The following USP7 variants were observed in gnomAD, a reference collection of about 807,000 sequenced individuals.
USP7 encodes ubiquitin specific peptidase 7.
Under a neutral mutation model 162.9 loss-of-function variants are expected in USP7, and 9 were observed. That is an observed-to-expected ratio of 0.06 (90% CI 0.03 to 0.10). The LOEUF is 0.10. Among genes scored for constraint, USP7 ranks in the 10% least tolerant of loss-of-function variants. The probability of loss-of-function intolerance (pLI) is 1.00; values close to 1 mark genes in which losing one functional copy is unlikely to be tolerated. For missense variants in USP7, 715 were observed against 1,373.7 expected, an observed-to-expected ratio of 0.52 and a Z score of 7.58; for synonymous variants, 562 against 475.9, an observed-to-expected ratio of 1.18 and a Z score of -2.35.
intron 1 of USP7, among the ~76,000 whole-genome samples, chr16:8,954,401 C>G (rs890390593): frequency 2.0e-5 from 3 of 152,220 alleles, no homozygotes; most frequent in Non-Finnish European, 2.9e-5. Flanking sequence ...CTAAACAGAG[C>G]ATGAGGTAGC....
In USP7 at chr16:8,963,236, A is replaced by C; in HGVS notation, c.50T>G (p.Leu17Trp). The C allele has an allele frequency of 7.1e-7, 1 of 1,400,666 alleles. No homozygotes were observed. 86.8% of individuals were successfully genotyped at this position (1,400,666 alleles called of 1,614,324 possible). The change falls in exon 1 of 31, where the codon TTG becomes TGG. Residue 17 changes from leucine (L) to tryptophan (W), a missense_variant. By Grantham distance (61) the Leu-to-Trp change is moderately conservative. Transcript: ENST00000344836. ...CATCTCCATGTCCTCGGGCTCGCTC[A>C]ACTGCTGCTCGCCCGCTTTCTGCTG... Reference protein sequence around the residue: ...QQQQKAGEQQLSEPEDMEMEA... With the variant: ...QQQQKAGEQQWSEPEDMEMEA...
chr16:8,916,505 T>G lies in USP7; in HGVS notation c.903A>C (p.Arg301=), dbSNP rs1280830098. 6.2e-7 allele frequency: 1 copy of G among 1,610,206 alleles called. No homozygotes were observed. Among genetic ancestry groups the G allele is most frequent in the Non-Finnish European group, 8.5e-7 (1 of 1,178,974 alleles). ...ACAAGTATTGCTTGAAACTTACCAC[T>G]CGACAAAGCTCCTGAACATCATGTT... ...FMQHDVQELC[R]VLLDNVENKM... Residue 301 remains arginine (R), a synonymous_variant, in exon 8 of 31, where the codon CGA becomes CGC. Transcript: ENST00000344836.
chr16:8,937,167 G>GA (rs1427632340), intron 1 of USP7, among the ~76,000 whole-genome samples: 3 of 152,048 alleles, frequency 2.0e-5, no homozygotes, highest in African/African-American at 7.2e-5. Context: ...CCTGAGGCAG[G>GA]AAGATCCCTT....
At chr16:8,939,620 C>G (rs1333746616) in intron 1 of USP7, among the ~76,000 whole-genome samples, 2 of 152,240 alleles carry the variant, frequency 1.3e-5, no homozygotes, top group African/African-American at 4.8e-5. Flanking sequence ...TCCCTGAGTG[C>G]TAACATGAAG....
At chr16:8,919,602 C>CT in intron 5 of USP7, among the ~76,000 whole-genome samples, 1 of 152,022 alleles carries the variant, frequency 6.6e-6, no homozygotes, top group South Asian at 2.1e-4. Context: ...ACTCCCAGAG[C>CT]TTTTTTTATT....
rs115047762 is a variant in USP7 at position 8,917,563 on chromosome 16, G to A, written c.721-407C>T. ...CAGGCTAATTTATGAATTTTCAGGA[G>A]AGACAGGGTTTTGCCATTTTGGCCA... On this transcript the variant is annotated intron_variant, in intron 6 of 30. Coordinates refer to ENST00000344836, the MANE Select transcript of USP7 (RefSeq NM_003470.3). Among the ~76,000 whole-genome samples the A allele has an allele frequency of 3.4e-3, 512 of 152,094 alleles. 3 individuals carry two copies. The highest frequency in any genetic ancestry group is 0.012 in the African/African-American group (486 of 41,500).
intron 1 of USP7, among the ~76,000 whole-genome samples, 179 bp from the exon 2 acceptor site, chr16:8,930,576 C>A (rs902991372): frequency 1.3e-5 from 2 of 152,174 alleles, no homozygotes; most frequent in African/African-American, 4.8e-5. Flanking sequence ...TACAAACTTT[C>A]GCTGTTTCGA....
intron 3 of USP7, among the ~76,000 whole-genome samples, chr16:8,921,773 A>T (rs1300757415): frequency 6.6e-6 from 1 of 152,200 alleles, no homozygotes; most frequent in African/African-American, 2.4e-5. Context: ...ATGAGGCACA[A>T]AATTACAACC....
rs920151583 is a variant in USP7 at position 8,963,361 on chromosome 16, GGGCGGCGGC to G, written c.-85_-77del. On this transcript the variant is annotated 5_prime_UTR_variant, in exon 1 of 31. Coordinates refer to ENST00000344836, the MANE Select transcript of USP7 (RefSeq NM_003470.3). ...CCGGCGGGCGGGCGGCGGCGAGCCG[GGGCGGCGGC>G]GGCGGCGGCGGCGGCGGGGCGGCCT... 175 of 448,262 alleles carry G rather than the reference GGGCGGCGGC, an allele frequency of 3.9e-4. No individual in the cohort carries two copies. Among genetic ancestry groups the G allele is most frequent in the South Asian group, 8.0e-4 (9 of 11,278 alleles). 27.8% of individuals were successfully genotyped at this position (448,262 alleles called of 1,614,324 possible). A position where few individuals can be genotyped will look rare whatever the true frequency, so the allele number is the denominator to read the frequency against.
At chr16:8,919,002 G>T in intron 6 of USP7, 29 bp downstream of exon 6, 1 of 1,606,052 alleles carries the variant, frequency 6.2e-7, no homozygotes, top group Non-Finnish European at 8.5e-7. Context: ...TGAGCGGAAG[G>T]CTGCAGGAGA....
chr16:8,934,033 C>G (rs1898535623), intron 1 of USP7, among the ~76,000 whole-genome samples: 1 of 152,198 alleles, frequency 6.6e-6, no homozygotes, highest in South Asian at 2.1e-4. Flanking sequence ...GCTGAGATTA[C>G]AGGCGTGAAA....
intron 2 of USP7, among the ~76,000 whole-genome samples, chr16:8,930,020 G>A (rs1316345196): frequency 6.6e-6 from 1 of 152,212 alleles, no homozygotes; most frequent in African/African-American, 2.4e-5. Context: ...GCAGTGGCTG[G>A]AGACCTGCAG....
At chr16:8,909,973 C>T (rs2061919066) in intron 11 of USP7, among the ~76,000 whole-genome samples, 1 of 152,160 alleles carries the variant, frequency 6.6e-6, no homozygotes, top group African/African-American at 2.4e-5. Flanking sequence ...CTCAGTCCAA[C>T]TGGACTGACC....
At chr16:8,952,341 C>G (rs1402896736) in intron 1 of USP7, among the ~76,000 whole-genome samples, 1 of 152,246 alleles carries the variant, frequency 6.6e-6, no homozygotes, top group East Asian at 1.9e-4. Flanking sequence ...GTTCCAATCC[C>G]AGCTCTGCCA....
intron 1 of USP7, chr16:8,936,495 T>C (rs1028756442): frequency 4.2e-5 from 57 of 1,363,398 alleles, no homozygotes; most frequent in Middle Eastern, 1.9e-4. Context: ...GCCCCAAATA[T>C]ACTTCAGAAG....
intron 1 of USP7, among the ~76,000 whole-genome samples, chr16:8,939,006 T>C (rs992052593): frequency 1.3e-5 from 2 of 152,118 alleles, no homozygotes; most frequent in Non-Finnish European, 2.9e-5. Context: ...AGAGATCCCA[T>C]ACCCTTTTCC....
intron 1 of USP7, among the ~76,000 whole-genome samples, chr16:8,947,740 A>C (rs1324023585): frequency 6.6e-6 from 1 of 152,212 alleles, no homozygotes; most frequent in African/African-American, 2.4e-5. Flanking sequence ...GAAGTCTTTT[A>C]GGACTTCGAC....
chr16:8,952,857 G>C (rs1315323107), intron 1 of USP7, among the ~76,000 whole-genome samples: 1 of 151,208 alleles, frequency 6.6e-6, no homozygotes, highest in African/African-American at 2.4e-5. Flanking sequence ...TTTTAAGACG[G>C]AGTCTCATTC....
At chr16:8,921,527 A>T (rs1417017640) in intron 3 of USP7, among the ~76,000 whole-genome samples, 1 of 152,160 alleles carries the variant, frequency 6.6e-6, no homozygotes, top group African/African-American at 2.4e-5. Context: ...TCATTTTTTA[A>T]TTCCTTAGAA....
Sources: allele counts gnomAD v4.1 joint callset (sites outside exome capture counted in the v4.1 genomes callset), GRCh38; gene constraint gnomAD v4.1.1; transcripts MANE v1.5; gene names NCBI Gene and HGNC (gene_info 2026-07-23, HGNC 2026-07-21).